Variants in EEF1E1 observed in about 807,000 individuals in gnomAD.
EEF1E1 encodes eukaryotic translation elongation factor 1 epsilon-1.
A neutral mutation model predicts 19.9 loss-of-function variants in EEF1E1; 19 were observed. The observed-to-expected ratio is 0.95, with a 90% CI of 0.66 to 1.40. The LOEUF (loss-of-function observed/expected upper bound fraction) is 1.40, where lower values mean the gene tolerates loss of function less well. EEF1E1 is among the 40% of genes most tolerant of loss of function. EEF1E1 has a pLI of 0.00. For synonymous variants in EEF1E1, 81 were observed against 80.0 expected (o/e 1.01, Z -0.07); for missense variants, 198 against 202.2 (o/e 0.98, Z 0.13).
At chr6:8,085,922 C>A (rs1757841529) in intron 3 of EEF1E1, among the ~76,000 whole-genome samples, 3 of 152,132 alleles carry the variant, frequency 2.0e-5, no homozygotes, top group Admixed American at 1.3e-4. Context: ...AGTCTAATTT[C>A]TTCAATAAGA....
rs558357443 is a variant in EEF1E1 at position 8,073,489 on chromosome 6, CTG to C, written c.404_405del (p.Thr135ArgfsTer13). ...ATGATGTTGGGTTAGTTCCCTACCT[CTG>C]TGTGCCTCAGCTTCCTTATCTGCAA... is the stretch of plus-strand genomic sequence containing the variant. On this transcript the variant is annotated frameshift_variant, in exon 4 of 4. Transcript: ENST00000429723. LOFTEE classifies it high-confidence loss of function. The C allele has an allele frequency of 4.9e-4, 753 of 1,551,520 alleles. 4 individuals carry two copies. The African/African-American group carries it at 9.1e-3, about 19-fold the overall frequency.
intron 1 of EEF1E1, among the ~76,000 whole-genome samples, chr6:8,098,370 G>A (rs551762467): frequency 2.6e-5 from 4 of 152,002 alleles, no homozygotes; most frequent in South Asian, 4.2e-4. Context: ...CACCCACCTC[G>A]GCCTCCCAAA....
chr6:8,077,512 T>A (rs1757628816), downstream of EEF1E1, among the ~76,000 whole-genome samples: 1 of 152,252 alleles, frequency 6.6e-6, no homozygotes, highest in South Asian at 2.1e-4. Flanking sequence ...GCAGTCTACG[T>A]TAGCACTTGC....
Position 8,097,292 on chromosome 6 carries a change from T to C in EEF1E1, c.263A>G (p.Lys88Arg), listed in dbSNP as rs1758201867. The C allele has an allele frequency of 6.2e-7, 1 of 1,614,232 alleles. No homozygotes were observed. The highest frequency in any genetic ancestry group is 8.5e-7 in the Non-Finnish European group (1 of 1,180,036). Residue 88 changes from lysine (K) to arginine (R), a missense_variant, in exon 2 of 4, where the codon AAA becomes AGA. Physicochemically the swap from Lys to Arg is conservative, Grantham distance 26. Coordinates refer to ENST00000379715, the MANE Select transcript of EEF1E1 (RefSeq NM_004280.5). ...RVTQVDGHSSKNDIHTLLKDL... is the reference protein window; with the variant it reads ...RVTQVDGHSSRNDIHTLLKDL... ...CTTCAACAGTGTGTGGATGTCATTT[T>C]TACTGGAGTGCCCATCTACTTGAGT...
intron 1 of EEF1E1, among the ~76,000 whole-genome samples, chr6:8,099,234 T>C (rs899363195): frequency 2.0e-5 from 3 of 152,264 alleles, no homozygotes; most frequent in African/African-American, 7.2e-5. Context: ...ATGTTCTGGA[T>C]GGCATATCCA....
In EEF1E1 at chr6:8,102,517, G is replaced by A. The variant is rs1208053373; in HGVS notation, c.5C>T (p.Ala2Val). Residue 2 changes from alanine to valine, a missense_variant, in exon 1 of 4, where the codon GCG (alanine) becomes GTG (valine). By Grantham distance (64) the Ala-to-Val change is moderately conservative (BLOSUM62 0). Coordinates refer to ENST00000379715, the MANE Select transcript of EEF1E1 (RefSeq NM_004280.5). The stretch of plus-strand genomic sequence containing the variant: ...CAGTAGCGACAACTCTGCGGCCGCC[G>A]CCATCTTCCGGCCGTAGCTCCTGGC... M[A>V]AAAELSLLEK... 2 of 1,610,022 alleles carry A rather than the reference G, an allele frequency of 1.2e-6. No homozygotes were observed. Among genetic ancestry groups the A allele is most frequent in the Non-Finnish European group, 8.5e-7 (1 of 1,179,896 alleles).
intron 2 of EEF1E1, among the ~76,000 whole-genome samples, chr6:8,096,341 T>C (rs1419058105): frequency 1.3e-5 from 2 of 152,190 alleles, no homozygotes; most frequent in East Asian, 1.9e-4. Flanking sequence ...CTGTGAATAG[T>C]AGGGGCACAA....
At chr6:8,100,462 G>A (rs772624294) in intron 1 of EEF1E1, among the ~76,000 whole-genome samples, 1 of 152,182 alleles carries the variant, frequency 6.6e-6, no homozygotes, top group Admixed American at 6.5e-5. Flanking sequence ...AGAGAAGGGC[G>A]ATAAGCTACA....
downstream of EEF1E1, among the ~76,000 whole-genome samples, chr6:8,076,555 C>A (rs1451450765): frequency 6.6e-6 from 1 of 151,694 alleles, no homozygotes; most frequent in East Asian, 1.9e-4. Flanking sequence ...AATCTCCTGA[C>A]CTCGTGATCT....
In EEF1E1 at chr6:8,095,328, C is replaced by G. The variant is rs1482932735; in HGVS notation, c.288+1939G>C. 5.0e-6 allele frequency: 2 copies of G among 399,480 alleles called. 1 individual carries two copies. The highest frequency in any genetic ancestry group is 3.5e-5 in the South Asian group (2 of 57,218). The allele number at this position is 399,480 out of a possible 1,614,324, so 24.7% of individuals were successfully genotyped here. On this transcript the variant is annotated intron_variant, in intron 2 of 3. Transcript: ENST00000379715. ...CCAGCCTGGCCAACATGATGAAACC[C>G]TATCTCTACTAAAAACACAAAAAAA...
downstream of EEF1E1, among the ~76,000 whole-genome samples, chr6:8,077,860 C>T (rs1162049216): frequency 1.3e-5 from 2 of 152,150 alleles, no homozygotes; most frequent in African/African-American, 2.4e-5. Flanking sequence ...GGCACAATCA[C>T]GGCTCACTGC....
downstream of EEF1E1, among the ~76,000 whole-genome samples, chr6:8,075,820 A>G (rs2113628916): frequency 6.6e-6 from 1 of 152,316 alleles, no homozygotes; most frequent in African/African-American, 2.4e-5. Flanking sequence ...ACTTCTTTCA[A>G]AATTGAAGTC....
At chr6:8,101,978 G>A (rs1758378671) in intron 1 of EEF1E1, 3 of 1,245,084 alleles carry the variant, frequency 2.4e-6, no homozygotes, top group Admixed American at 4.9e-5. Context: ...GAGGAAGCAT[G>A]TTCCCCTAAA....
intron 1 of EEF1E1, chr6:8,101,910 T>C: frequency 8.0e-7 from 1 of 1,245,766 alleles, no homozygotes; most frequent in Non-Finnish European, 1.1e-6. Context: ...GTGGCACTCT[T>C]CCAATTTAAA....
chr6:8,086,541 C>T (rs561786439), intron 3 of EEF1E1, among the ~76,000 whole-genome samples: 12 of 152,166 alleles, frequency 7.9e-5, no homozygotes, highest in East Asian at 1.9e-4. Flanking sequence ...TCAATTATTA[C>T]GGTATTTTAC....
rs942861990 is a variant in EEF1E1, at chr6:8,080,177, A to T, written c.385-147T>A. On this transcript the variant is annotated intron_variant, in intron 3 of 3. Transcript: ENST00000379715. ...AAAGCCAACATATTCAGATAGGAGTAAAAGTTTCAGCCCAGTGAACACTGA... is the reference window on the plus strand; with the variant it reads ...AAAGCCAACATATTCAGATAGGAGTTAAAGTTTCAGCCCAGTGAACACTGA... 8.2e-6 allele frequency: 7 copies of T among 848,862 alleles called. No individual in the cohort carries two copies. In the African/African-American group the frequency reaches 1.2e-4, roughly 14 times the overall value. 52.6% of individuals were successfully genotyped at this position (848,862 alleles called of 1,614,324 possible). A position where few individuals can be genotyped will look rare whatever the true frequency, so the allele number is the denominator to read the frequency against.
chr6:8,101,283 T>TATGG (rs1758355940), intron 1 of EEF1E1, among the ~76,000 whole-genome samples: 1 of 116,454 alleles, frequency 8.6e-6, no homozygotes, highest in Non-Finnish European at 1.7e-5. Flanking sequence ...TATATATATA[T>TATGG]GGCACTCTTC....
rs1757682032 is a variant in EEF1E1 at position 8,079,827 on chromosome 6, G to C, written c.*63C>G. 24 of 1,560,454 alleles carry C rather than the reference G, an allele frequency of 1.5e-5. No homozygotes were observed. The South Asian group carries it at 2.6e-4, about 17-fold the overall frequency. ...TATATTAATTTACATTAGTCCTGTG[G>C]TCTAGAGTACATTTTCCATTTAAAA... On this transcript the variant is annotated 3_prime_UTR_variant, in exon 4 of 4. Transcript: ENST00000379715.
intron 3 of EEF1E1, chr6:8,073,571 C>T: frequency 1.3e-6 from 2 of 1,540,708 alleles, no homozygotes; most frequent in Non-Finnish European, 1.8e-6. Context: ...GTGCCTGATA[C>T]ACACTAAATG....
Sources: gnomAD v4.1 joint callset for allele counts (sites outside exome capture counted in the v4.1 genomes callset) on GRCh38, gnomAD v4.1.1 for gene constraint, MANE v1.5 for transcripts, NCBI Gene and HGNC (gene_info 2026-07-23, HGNC 2026-07-21) for gene names.